Variants in CEP112 observed in about 807,000 individuals in gnomAD.
The protein encoded by CEP112 is centrosomal protein of 112 kDa.
CEP112 carries 127 observed loss-of-function variants against 153.0 expected under a neutral mutation model. That is an observed-to-expected ratio of 0.83 (90% CI 0.72 to 0.96). CEP112 has a LOEUF of 0.96. Among genes scored for constraint, CEP112 ranks in the 40% least tolerant of loss-of-function variants. CEP112 has a pLI of 0.00. For synonymous variants in CEP112, 358 were observed against 374.4 expected (o/e 0.96, Z 0.51); for missense variants, 1,089 against 1,101.2 (o/e 0.99, Z 0.16).
intron 6 of CEP112, among the ~76,000 whole-genome samples, chr17:66,111,781 A>G: frequency 6.6e-6 from 1 of 152,162 alleles, no homozygotes; most frequent in African/African-American, 2.4e-5. Context: ...CTGGGTGATG[A>G]CATGTGTTTA....
intron 21 of CEP112, among the ~76,000 whole-genome samples, chr17:65,754,507 G>A (rs576230998): frequency 3.9e-5 from 6 of 152,296 alleles, no homozygotes; most frequent in East Asian, 1.9e-4. Flanking sequence ...TACTTGGGAG[G>A]GTGAAGCAAG....
At chr17:65,674,909 G>A (rs1273856296) in intron 24 of CEP112, among the ~76,000 whole-genome samples, 4 of 152,190 alleles carry the variant, frequency 2.6e-5, no homozygotes, top group African/African-American at 7.2e-5. Flanking sequence ...TCATGGTTAC[G>A]AGACTTAGAC....
At chr17:66,124,632 T>C (rs2069758018) in intron 6 of CEP112, among the ~76,000 whole-genome samples, 1 of 152,088 alleles carries the variant, frequency 6.6e-6, no homozygotes, top group Non-Finnish European at 1.5e-5. Flanking sequence ...GATGGGCTGC[T>C]CTGTAAGTTT....
rs186047885 is a variant in CEP112 at position 65,821,456 on chromosome 17, T to C, written c.2394+30348A>G. Among the ~76,000 whole-genome samples the C allele has an allele frequency of 1.9e-4, 27 of 138,670 alleles. No homozygotes were observed. In the East Asian group the frequency reaches 5.8e-3, roughly 30 times the overall value. 91.0% of individuals were successfully genotyped at this position (138,670 alleles called of 152,430 possible). A position where few individuals can be genotyped will look rare whatever the true frequency, so the allele number is the denominator to read the frequency against. Reference sequence around the variant, plus strand: ...TTTCTACACAATCTGGGGCTTCCAATACTTAAAAAATTATCAAATTATTAA... The same window carrying C: ...TTTCTACACAATCTGGGGCTTCCAACACTTAAAAAATTATCAAATTATTAA... On this transcript the variant is annotated intron_variant, in intron 21 of 26. Coordinates refer to ENST00000535342, the MANE Select transcript of CEP112 (RefSeq NM_001199165.4).
intron 4 of CEP112, among the ~76,000 whole-genome samples, chr17:66,171,800 G>T (rs533699813): frequency 2.6e-5 from 4 of 152,172 alleles, no homozygotes; most frequent in African/African-American, 9.6e-5. Context: ...TAAATTAAAA[G>T]AAACATAAGA....
intron 23 of CEP112, among the ~76,000 whole-genome samples, chr17:65,734,205 T>C (rs575004347): frequency 3.5e-3 from 532 of 152,368 alleles, no homozygotes; most frequent in Non-Finnish European, 6.2e-3. Context: ...CTCACTCTGA[T>C]GCTTCGCAGA....
chr17:65,761,399 C>A (rs535580082), intron 21 of CEP112, among the ~76,000 whole-genome samples: 1 of 152,002 alleles, frequency 6.6e-6, no homozygotes, highest in African/African-American at 2.4e-5. Flanking sequence ...CATGACACTG[C>A]CTTTGGCTCT....
At chr17:65,982,688 G>A (rs1339558409) in intron 17 of CEP112, among the ~76,000 whole-genome samples, 2 of 152,180 alleles carry the variant, frequency 1.3e-5, no homozygotes, top group Admixed American at 6.5e-5. Flanking sequence ...ACAGTAAGCT[G>A]TCCCAGCAAT....
intron 21 of CEP112, among the ~76,000 whole-genome samples, chr17:65,815,846 C>T (rs941498437): frequency 5.3e-5 from 8 of 151,998 alleles, no homozygotes; most frequent in Non-Finnish European, 2.9e-5. Context: ...TACACCATGA[C>T]CTTGCTAACT....
At position 65,650,745 on chromosome 17, in the gene CEP112, A is replaced by T. The variant is rs866992401; in HGVS notation, c.2698-9680T>A. ...AACTCTCTACTAAAAAAAAAAAAAA[A>T]AAAAAAAAAAAATTAGCTGGGCATG... On this transcript the variant is annotated intron_variant, in intron 24 of 26. Coordinates refer to ENST00000535342, the MANE Select transcript of CEP112 (RefSeq NM_001199165.4). 2.0e-3 allele frequency among the ~76,000 whole-genome samples: 296 copies of T among 150,828 alleles called. 4 individuals are homozygous for T. Among genetic ancestry groups the T allele is most frequent in the African/African-American group, 7.1e-3 (292 of 41,240 alleles).
chr17:65,983,772 T>C (rs1333534485), intron 17 of CEP112, among the ~76,000 whole-genome samples: 1 of 152,222 alleles, frequency 6.6e-6, no homozygotes, highest in Admixed American at 6.5e-5. Flanking sequence ...GCTTCAGGTA[T>C]TCCTTTATAT....
intron 9 of CEP112, 137 bp from the exon 10 acceptor site, chr17:66,067,014 TAAACACAC>T (rs2067145897): frequency 2.9e-6 from 1 of 350,642 alleles, no homozygotes; most frequent in Non-Finnish European, 4.6e-6. Context: ...TGTGAAATTA[TAAACACAC>T]ACACACACAC....
intron 24 of CEP112, chr17:65,655,479 C>A: frequency 1.2e-6 from 1 of 810,604 alleles, no homozygotes; most frequent in East Asian, 2.6e-5. Context: ...GTACTCTTAG[C>A]AGCTCACAGA....
intron 21 of CEP112, among the ~76,000 whole-genome samples, chr17:65,791,972 C>A (rs2054613771): frequency 6.6e-6 from 1 of 152,182 alleles, no homozygotes. Flanking sequence ...TTGGAATTAA[C>A]TTCTCTGAAC....
In CEP112 at chr17:66,186,084, C is replaced by CT. The variant is rs548047147; in HGVS notation, c.-8-2778dup. Among the ~76,000 whole-genome samples the CT allele has an allele frequency of 3.1e-3, 473 of 152,026 alleles. 2 individuals carry two copies. The highest frequency in any genetic ancestry group is 6.8e-3 in the Middle Eastern group (2 of 294). On this transcript the variant is annotated intron_variant, in intron 1 of 26. Transcript: ENST00000535342. ...CTCATGCATCCTCTGTAGTCTTTCA[C>CT]TTTCTCCACTCAACCATGCAATGGA...
At chr17:65,770,957 T>C (rs925358674) in intron 21 of CEP112, among the ~76,000 whole-genome samples, 3 of 133,280 alleles carry the variant, frequency 2.3e-5, no homozygotes, top group Non-Finnish European at 3.3e-5. Context: ...AATAATTCAA[T>C]AAAAGGTAGG....
At chr17:65,862,986 A>T (rs954015703) in intron 20 of CEP112, among the ~76,000 whole-genome samples, 1 of 152,126 alleles carries the variant, frequency 6.6e-6, no homozygotes, top group African/African-American at 2.4e-5. Context: ...ATTAAAAAAT[A>T]ATATATTCTC....
chr17:65,772,224 C>T (rs571053631), intron 21 of CEP112, among the ~76,000 whole-genome samples: 1 of 151,720 alleles, frequency 6.6e-6, no homozygotes, highest in Non-Finnish European at 1.5e-5. Context: ...AATTAAAGAC[C>T]AAGTAAGCAA....
At chr17:65,699,538 C>T (rs1384544923) in intron 23 of CEP112, among the ~76,000 whole-genome samples, 1 of 152,148 alleles carries the variant, frequency 6.6e-6, no homozygotes, top group African/African-American at 2.4e-5. Context: ...TGCTCTCTCC[C>T]TTTTGCTAAG....
Sources: gnomAD v4.1 joint callset for allele counts (sites outside exome capture counted in the v4.1 genomes callset) on GRCh38, gnomAD v4.1.1 for gene constraint, MANE v1.5 for transcripts, NCBI Gene and HGNC (gene_info 2026-07-23, HGNC 2026-07-21) for gene names.